SAMD13: variants seen among roughly 807,000 people sequenced by gnomAD.
SAMD13 encodes sterile alpha motif domain containing 13.
SAMD13 carries 9 observed loss-of-function variants against 12.4 expected under a neutral mutation model. The ratio of observed to expected loss-of-function variants is 0.72; its 90% CI spans 0.44 to 1.26. The LOEUF (loss-of-function observed/expected upper bound fraction) is 1.26. SAMD13 is among the 50% of genes most tolerant of loss of function. The probability of loss-of-function intolerance (pLI) is 0.00; values close to 1 mark genes in which losing one functional copy is unlikely to be tolerated. For missense variants in SAMD13, 84 were observed against 119.6 expected (o/e 0.70, Z 1.39); for synonymous variants, 46 against 45.4 (o/e 1.01, Z -0.05).
chr1:84,305,495 A>G (rs1678549965), intron 2 of SAMD13, among the ~76,000 whole-genome samples: 1 of 152,146 alleles, frequency 6.6e-6, no homozygotes, highest in South Asian at 2.1e-4. Flanking sequence ...CAAAGTTTTT[A>G]AATTTTAATG....
chr1:84,313,426 G>A lies in SAMD13; in HGVS notation c.53+10139G>A, dbSNP rs181369483. 5.3e-5 allele frequency among the ~76,000 whole-genome samples: 8 copies of A among 152,136 alleles called. No individual in the cohort carries two copies. In the South Asian group the frequency reaches 6.2e-4, roughly 12 times the overall value. ...TTTGACTAAATTTTTTTAAATCCAT[G>A]TATTTAAGATGTATGTGCATATATA... On this transcript the variant is annotated intron_variant, in intron 2 of 3. Transcript: ENST00000394834.
At chr1:84,308,217 A>G (rs1374437431) in intron 2 of SAMD13, among the ~76,000 whole-genome samples, 2 of 152,156 alleles carry the variant, frequency 1.3e-5, no homozygotes, top group Non-Finnish European at 2.9e-5. Flanking sequence ...CCATTACTCC[A>G]TCTTGACTGG....
intron 2 of SAMD13, 149 bp downstream of exon 2, chr1:84,303,436 C>T (rs943395942): frequency 1.2e-5 from 7 of 567,814 alleles, no homozygotes; most frequent in African/African-American, 9.5e-5. Context: ...CTTCTCCCCC[C>T]TACCCCAGTT....
At chr1:84,317,864 T>C (rs1315383085) in intron 2 of SAMD13, among the ~76,000 whole-genome samples, 1 of 152,084 alleles carries the variant, frequency 6.6e-6, no homozygotes, top group Non-Finnish European at 1.5e-5. Context: ...TGATTTAATC[T>C]CCTTACTAGA....
intron 1 of SAMD13, 26 bp from the exon 2 acceptor site, chr1:84,303,177 A>G: frequency 1.3e-6 from 2 of 1,552,098 alleles, no homozygotes; most frequent in Non-Finnish European, 1.8e-6. Flanking sequence ...AGAATTAAAC[A>G]CAAGCTTTTC....
intron 3 of SAMD13, among the ~76,000 whole-genome samples, chr1:84,330,770 G>T (rs900126913): frequency 2.0e-5 from 3 of 152,114 alleles, no homozygotes; most frequent in African/African-American, 7.2e-5. Context: ...AGAAGAAGAT[G>T]GAAGACAGAT....
At chr1:84,312,542 C>A (rs1342446656) in intron 2 of SAMD13, among the ~76,000 whole-genome samples, 1 of 151,938 alleles carries the variant, frequency 6.6e-6, no homozygotes, top group South Asian at 2.1e-4. Context: ...GTTCAACAAA[C>A]ATATTACAGT....
chr1:84,346,482 T>C (rs1373837506), intron 3 of SAMD13, among the ~76,000 whole-genome samples: 1 of 152,224 alleles, frequency 6.6e-6, no homozygotes, highest in Non-Finnish European at 1.5e-5. Context: ...TCCCAAGATG[T>C]GAAATATCTT....
At position 84,320,585 on chromosome 1, in the gene SAMD13, A is replaced by T. The variant is rs146186759; in HGVS notation, c.54-5052A>T. Among the ~76,000 whole-genome samples, 315 of 152,372 alleles carry T rather than the reference A, an allele frequency of 2.1e-3. 4 individuals are homozygous for T. The highest frequency in any genetic ancestry group is 7.1e-3 in the African/African-American group (296 of 41,594). ...TTCATCCTCAGGTTTGTCATAGGCA[A>T]AGAGATCAATATTAATTTATTAGAA... On this transcript the variant is annotated intron_variant, in intron 2 of 3. Coordinates refer to ENST00000394834, the MANE Select transcript of SAMD13 (RefSeq NM_001134663.2).
Position 84,350,014 on chromosome 1 carries a change from C to T in SAMD13, c.*240C>T. On this transcript the variant is annotated 3_prime_UTR_variant, in exon 4 of 4. Coordinates refer to ENST00000394834, the MANE Select transcript of SAMD13 (RefSeq NM_001134663.2). Reference sequence around the variant, plus strand: ...TCATGGATTTTGTCAAATAGATGATCTTTGACACGATTAGACACTCCTCCC... The same window carrying T: ...TCATGGATTTTGTCAAATAGATGATTTTTGACACGATTAGACACTCCTCCC... 1.4e-6 allele frequency: 1 copy of T among 693,678 alleles called. No homozygotes were observed. The highest frequency in any genetic ancestry group is 2.0e-6 in the Non-Finnish European group (1 of 501,292). 43.0% of individuals were successfully genotyped at this position (693,678 alleles called of 1,614,324 possible).
intron 2 of SAMD13, among the ~76,000 whole-genome samples, chr1:84,309,352 G>A (rs1338865317): frequency 5.9e-5 from 9 of 152,174 alleles, no homozygotes; most frequent in Admixed American, 5.9e-4. Context: ...GTTGCTGCAA[G>A]AGGAGGAAAA....
At chr1:84,337,306 G>A (rs530075964) in intron 3 of SAMD13, among the ~76,000 whole-genome samples, 1 of 152,226 alleles carries the variant, frequency 6.6e-6, no homozygotes, top group South Asian at 2.1e-4. Flanking sequence ...CTCCATGAAA[G>A]CCCCACCCTT....
intron 2 of SAMD13, among the ~76,000 whole-genome samples, chr1:84,306,035 T>C (rs1432601188): frequency 6.6e-6 from 1 of 152,216 alleles, no homozygotes; most frequent in Non-Finnish European, 1.5e-5. Context: ...ACATTTTGAC[T>C]GGCATTGCAT....
In SAMD13 at chr1:84,345,252, A is replaced by T. The variant is rs1197828091; in HGVS notation, c.166-4379A>T. ...GAATGAAGCAGAAAAAGACTGTTTCATGAGATTCCTCCACATCATTGGTAA... is the reference window on the plus strand; with the variant it reads ...GAATGAAGCAGAAAAAGACTGTTTCTTGAGATTCCTCCACATCATTGGTAA... On this transcript the variant is annotated intron_variant, in intron 3 of 3. Coordinates refer to ENST00000394834, the MANE Select transcript of SAMD13 (RefSeq NM_001134663.2). 1.3e-5 allele frequency: 6 copies of T among 455,758 alleles called. No homozygotes were observed. The Admixed American group carries it at 1.4e-4, about 11-fold the overall frequency. The allele number at this position is 455,758 out of a possible 1,614,324, so 28.2% of individuals were successfully genotyped here.
chr1:84,306,926 A>G (rs892756454), intron 2 of SAMD13, among the ~76,000 whole-genome samples: 4 of 151,792 alleles, frequency 2.6e-5, no homozygotes, highest in African/African-American at 7.3e-5. Context: ...TTTCATATCT[A>G]TGTTCTTCTG....
chr1:84,323,631 T>C (rs1173807617), intron 2 of SAMD13, among the ~76,000 whole-genome samples: 1 of 152,210 alleles, frequency 6.6e-6, no homozygotes, highest in Non-Finnish European at 1.5e-5. Context: ...TCAAATATTT[T>C]AGGTTCCTGC....
At chr1:84,328,753 CCTT>C (rs1679112955) in intron 3 of SAMD13, among the ~76,000 whole-genome samples, 1 of 152,112 alleles carries the variant, frequency 6.6e-6, no homozygotes. Context: ...AAAATGCAGG[CCTT>C]CTCCAGCCCA....
At chr1:84,336,403 G>C (rs1430084854) in intron 3 of SAMD13, among the ~76,000 whole-genome samples, 1 of 152,180 alleles carries the variant, frequency 6.6e-6, no homozygotes, top group Non-Finnish European at 1.5e-5. Context: ...CATGGCTGGG[G>C]AGGGAGGCCT....
chr1:84,339,655 G>C (rs1010530267), intron 3 of SAMD13, among the ~76,000 whole-genome samples: 8 of 152,196 alleles, frequency 5.3e-5, no homozygotes, highest in Admixed American at 3.9e-4. Flanking sequence ...ATCTGTGCTT[G>C]CTCATGCATG....
Sources: allele counts gnomAD v4.1 joint callset (sites outside exome capture counted in the v4.1 genomes callset), GRCh38; gene constraint gnomAD v4.1.1; transcripts MANE v1.5; gene names NCBI Gene and HGNC (gene_info 2026-07-23, HGNC 2026-07-21).